Variants in COX10 observed in about 807,000 individuals in gnomAD.
COX10 encodes protoheme IX farnesyltransferase, mitochondrial.
COX10 carries 27 observed loss-of-function variants against 37.3 expected under a neutral mutation model. The observed-to-expected ratio is 0.72, with a 90% CI of 0.53 to 1.00. The LOEUF (loss-of-function observed/expected upper bound fraction) is 1.00, where lower values mean the gene tolerates loss of function less well. COX10 is among the 50% of genes least tolerant of loss of function. The probability of loss-of-function intolerance (pLI) is 0.00; values close to 1 mark genes in which losing one functional copy is unlikely to be tolerated. For synonymous variants in COX10, 222 were observed against 229.1 expected (o/e 0.97, Z 0.28); for missense variants, 475 against 563.2 (o/e 0.84, Z 1.59).
At position 14,074,359 on chromosome 17, in the gene COX10, G is replaced by T. The variant is rs753369804; in HGVS notation, c.80G>T (p.Arg27Ile). 1.2e-6 allele frequency: 2 copies of T among 1,613,872 alleles called. No homozygotes were observed. Among genetic ancestry groups the T allele is most frequent in the Non-Finnish European group, 1.7e-6 (2 of 1,179,934 alleles). Residue 27 changes from arginine to isoleucine, a missense_variant, in exon 2 of 7, where the codon AGA becomes ATA. Physicochemically the swap from Arg to Ile is moderately conservative, Grantham distance 97 (BLOSUM62 -3). Transcript: ENST00000261643. ...GGCTCTGTCTGGTATCTTGAAAGAAGAACTATACAGGACTCCCCTCACAAG... is the reference window on the plus strand; with the variant it reads ...GGCTCTGTCTGGTATCTTGAAAGAATAACTATACAGGACTCCCCTCACAAG... ...VGGSVWYLERRTIQDSPHKFL... is the reference protein window; with the variant it reads ...VGGSVWYLERITIQDSPHKFL...
At chr17:14,174,499 C>T (rs2856127) in intron 5 of COX10, among the ~76,000 whole-genome samples, 85,847 of 149,910 alleles carry the variant, frequency 0.57, 25,054 homozygotes, top group East Asian at 0.62. Context: ...TTAAATAGGC[C>T]CTACTCCAAA....
chr17:14,192,776 G>T (rs1198858385), intron 6 of COX10, among the ~76,000 whole-genome samples: 1 of 152,058 alleles, frequency 6.6e-6, no homozygotes, highest in Non-Finnish European at 1.5e-5. Flanking sequence ...AACTAAATTT[G>T]TGGGGTGAAA....
At chr17:14,092,588 A>G (rs1284795449) in intron 3 of COX10, among the ~76,000 whole-genome samples, 2 of 152,226 alleles carry the variant, frequency 1.3e-5, no homozygotes, top group Non-Finnish European at 2.9e-5. Flanking sequence ...TTGACTTTTC[A>G]TCTGAACTTA....
intron 3 of COX10, among the ~76,000 whole-genome samples, chr17:14,086,899 A>G (rs139237540): frequency 7.0e-4 from 106 of 152,256 alleles, no homozygotes; most frequent in African/African-American, 2.5e-3. Context: ...TTTCCGCTTC[A>G]TTCTGAAGGG....
chr17:14,132,649 C>G (rs1000877989), intron 4 of COX10, among the ~76,000 whole-genome samples: 1 of 151,308 alleles, frequency 6.6e-6, no homozygotes, highest in African/African-American at 2.4e-5. Flanking sequence ...GTTAAATTTT[C>G]CAGAGGATAT....
chr17:14,144,293 C>T (rs935780480), intron 4 of COX10, among the ~76,000 whole-genome samples: 2 of 152,000 alleles, frequency 1.3e-5, no homozygotes, highest in Non-Finnish European at 2.9e-5. Context: ...TAAATGATGG[C>T]ATTTTCGACT....
intron 3 of COX10, among the ~76,000 whole-genome samples, chr17:14,093,385 A>G (rs1048059210): frequency 6.6e-6 from 1 of 152,198 alleles, no homozygotes; most frequent in Non-Finnish European, 1.5e-5. Context: ...AAAATTGAGT[A>G]CAGTCATTAT....
At chr17:14,094,272 T>G (rs960956751) in intron 3 of COX10, among the ~76,000 whole-genome samples, 1 of 150,592 alleles carries the variant, frequency 6.6e-6, no homozygotes, top group Non-Finnish European at 1.5e-5. Context: ...TTAAGTGTAC[T>G]TATGTATATT....
At chr17:14,072,416 T>C (rs542563649) in intron 1 of COX10, among the ~76,000 whole-genome samples, 1 of 152,284 alleles carries the variant, frequency 6.6e-6, no homozygotes, top group East Asian at 1.9e-4. Context: ...AGACGGGGTT[T>C]CACTGTGTTG....
At chr17:14,172,729 C>T (rs146604841) in intron 5 of COX10, among the ~76,000 whole-genome samples, 3,220 of 151,908 alleles carry the variant, frequency 0.021, 120 homozygotes, top group African/African-American at 0.074. Flanking sequence ...AGGTGCCAGT[C>T]GCTGGGCCTA....
At chr17:14,105,011 G>A (rs1915861054) in intron 4 of COX10, among the ~76,000 whole-genome samples, 1 of 152,050 alleles carries the variant, frequency 6.6e-6, no homozygotes, top group African/African-American at 2.4e-5. Context: ...TATTGTGGAT[G>A]GTTTAACTGA....
intron 3 of COX10, among the ~76,000 whole-genome samples, chr17:14,085,338 C>T (rs996711673): frequency 6.6e-6 from 1 of 152,126 alleles, no homozygotes; most frequent in Non-Finnish European, 1.5e-5. Flanking sequence ...TTGCTTTCTT[C>T]CCTAATTGGT....
At chr17:14,081,663 G>A (rs915544769) in intron 3 of COX10, among the ~76,000 whole-genome samples, 1 of 152,184 alleles carries the variant, frequency 6.6e-6, no homozygotes, top group Admixed American at 6.5e-5. Context: ...GTAAACTAGG[G>A]ATAATAATAG....
chr17:14,128,336 G>C (rs1179186060), intron 4 of COX10, among the ~76,000 whole-genome samples: 2 of 151,772 alleles, frequency 1.3e-5, no homozygotes, highest in African/African-American at 2.4e-5. Flanking sequence ...TGTTAGCTGT[G>C]AACATTAGAA....
chr17:14,155,011 G>A (rs1028204070), intron 4 of COX10, among the ~76,000 whole-genome samples: 1 of 152,184 alleles, frequency 6.6e-6, no homozygotes, highest in Non-Finnish European at 1.5e-5. Flanking sequence ...TTGGGAATGA[G>A]CAGTGTGAGA....
At chr17:14,167,486 T>C (rs1468905633) in intron 5 of COX10, among the ~76,000 whole-genome samples, 1 of 152,250 alleles carries the variant, frequency 6.6e-6, no homozygotes, top group African/African-American at 2.4e-5. Flanking sequence ...GAGAAATCTT[T>C]CATGAAATGG....
chr17:14,150,043 G>A (rs575934766), intron 4 of COX10, among the ~76,000 whole-genome samples: 3 of 152,238 alleles, frequency 2.0e-5, no homozygotes, highest in South Asian at 2.1e-4. Context: ...AGGCTGAGGC[G>A]AGTGGATCAC....
chr17:14,204,787 G>A (rs1906645619), intron 6 of COX10, among the ~76,000 whole-genome samples: 1 of 151,872 alleles, frequency 6.6e-6, no homozygotes, highest in Non-Finnish European at 1.5e-5. Flanking sequence ...GATCCTCTGT[G>A]GCTTTCTGTT....
chr17:14,188,213 G>GAAAAA (rs10648666), intron 5 of COX10, among the ~76,000 whole-genome samples: 5 of 139,388 alleles, frequency 3.6e-5, no homozygotes, highest in African/African-American at 1.3e-4. Context: ...GTCTCATAGG[G>GAAAAA]AAAAAAAAAA....
Sources: allele counts gnomAD v4.1 joint callset (sites outside exome capture counted in the v4.1 genomes callset), GRCh38; gene constraint gnomAD v4.1.1; transcripts MANE v1.5; gene names NCBI Gene and HGNC (gene_info 2026-07-23, HGNC 2026-07-21).